DLG2: variants seen among roughly 807,000 people sequenced by gnomAD.
The protein encoded by DLG2 is discs large MAGUK scaffold protein 2, also known as disks large homolog 2.
DLG2 carries 45 observed loss-of-function variants against 132.5 expected under a neutral mutation model. The observed-to-expected ratio is 0.34, with a 90% CI of 0.27 to 0.44. The LOEUF (loss-of-function observed/expected upper bound fraction) is 0.44, where lower values mean the gene tolerates loss of function less well. DLG2 is among the 20% of genes least tolerant of loss of function. The pLI is 1.00. For synonymous variants in DLG2, 424 were observed against 419.6 expected (o/e 1.01, Z -0.13); for missense variants, 1,045 against 1,196.9 (o/e 0.87, Z 1.87).
At chr11:84,830,961 C>CA (rs1262079483) in intron 6 of DLG2, among the ~76,000 whole-genome samples, 4 of 108,268 alleles carry the variant, frequency 3.7e-5, no homozygotes, top group Non-Finnish European at 5.5e-5. Context: ...TCCCCCCACC[C>CA]CCCCCAGCTC....
At chr11:85,289,482 T>C (rs2078759731) in intron 3 of DLG2, among the ~76,000 whole-genome samples, 1 of 152,178 alleles carries the variant, frequency 6.6e-6, no homozygotes, top group Non-Finnish European at 1.5e-5. Flanking sequence ...AGAAATTATT[T>C]TTACTAAAAC....
intron 7 of DLG2, among the ~76,000 whole-genome samples, chr11:84,422,421 G>C (rs2098953960): frequency 6.6e-6 from 1 of 152,106 alleles, no homozygotes; most frequent in Admixed American, 6.5e-5. Flanking sequence ...CTATAGCAAT[G>C]GTGTCAATCC....
chr11:84,958,203 C>A (rs1044520882), intron 6 of DLG2, among the ~76,000 whole-genome samples: 1 of 152,088 alleles, frequency 6.6e-6, no homozygotes, highest in Non-Finnish European at 1.5e-5. Flanking sequence ...CTTACTGGCC[C>A]TTTATTCATA....
chr11:84,780,853 A>T (rs1280490838), intron 6 of DLG2, among the ~76,000 whole-genome samples: 2 of 152,040 alleles, frequency 1.3e-5, no homozygotes, highest in African/African-American at 4.8e-5. Flanking sequence ...ATTGTTTTGA[A>T]TTCAGCTTCC....
intron 8 of DLG2, among the ~76,000 whole-genome samples, chr11:84,174,377 T>C (rs73517729): frequency 3.0e-4 from 45 of 152,208 alleles, no homozygotes; most frequent in African/African-American, 7.7e-4. Flanking sequence ...AATAATTTTT[T>C]AATCCCCAGA....
intron 6 of DLG2, among the ~76,000 whole-genome samples, chr11:84,891,414 T>G (rs1161106855): frequency 1.3e-5 from 2 of 152,230 alleles, no homozygotes; most frequent in Admixed American, 1.3e-4. Flanking sequence ...TTATATGCTA[T>G]TAACTGACAT....
intron 18 of DLG2, among the ~76,000 whole-genome samples, chr11:83,764,049 A>G (rs2094032577): frequency 2.0e-5 from 3 of 152,236 alleles, no homozygotes; most frequent in African/African-American, 7.2e-5. Context: ...AGAGCCTCTG[A>G]AAACTGTTTG....
intron 6 of DLG2, among the ~76,000 whole-genome samples, chr11:84,608,430 A>T (rs2099589604): frequency 6.6e-6 from 1 of 152,180 alleles, no homozygotes; most frequent in South Asian, 2.1e-4. Context: ...TTATCTGCTG[A>T]AGCAGTGACT....
chr11:83,868,148 G>GT (rs1285086826), intron 16 of DLG2, among the ~76,000 whole-genome samples: 40 of 152,200 alleles, frequency 2.6e-4, no homozygotes, highest in Non-Finnish European at 5.4e-4. Context: ...GAATCCCCTC[G>GT]TTTTTAAACT....
rs981911283 is a variant in DLG2, at chr11:84,154,944, C to T, written c.624+8517G>A. ...CTAATTAAACTAAAGAGCTTCTGCACAGCAAAAGAAACTACCATCAGAGTG... is the reference window on the plus strand; with the variant it reads ...CTAATTAAACTAAAGAGCTTCTGCATAGCAAAAGAAACTACCATCAGAGTG... On this transcript the variant is annotated intron_variant, in intron 9 of 27. Coordinates refer to ENST00000376104, the MANE Select transcript of DLG2 (RefSeq NM_001142699.3). 7.9e-5 allele frequency among the ~76,000 whole-genome samples: 12 copies of T among 152,202 alleles called. No individual in the cohort carries two copies. In the East Asian group the frequency reaches 2.1e-3, roughly 27 times the overall value.
intron 5 of DLG2, among the ~76,000 whole-genome samples, chr11:85,134,073 A>C (rs565403476): frequency 1.3e-5 from 2 of 152,254 alleles, no homozygotes; most frequent in African/African-American, 4.8e-5. Context: ...AGTGAATGAC[A>C]GAATGGAAAG....
At chr11:85,024,010 A>G (rs981547736) in intron 6 of DLG2, among the ~76,000 whole-genome samples, 3 of 152,160 alleles carry the variant, frequency 2.0e-5, no homozygotes, top group Admixed American at 6.6e-5. Flanking sequence ...AGATAATCCG[A>G]GAATTTGTCA....
chr11:84,069,952 T>A (rs948440707), intron 10 of DLG2, among the ~76,000 whole-genome samples: 2 of 152,196 alleles, frequency 1.3e-5, no homozygotes, highest in African/African-American at 4.8e-5. Flanking sequence ...TTGTCAACTT[T>A]CAAGAGATGA....
intron 19 of DLG2, among the ~76,000 whole-genome samples, chr11:83,545,254 A>G (rs2096207808): frequency 6.6e-6 from 1 of 152,202 alleles, no homozygotes; most frequent in Non-Finnish European, 1.5e-5. Flanking sequence ...ATAAATCATA[A>G]CACCATCTAT....
At chr11:84,940,787 C>A (rs931538752) in intron 6 of DLG2, among the ~76,000 whole-genome samples, 1 of 152,108 alleles carries the variant, frequency 6.6e-6, no homozygotes, top group Non-Finnish European at 1.5e-5. Flanking sequence ...AGATATTACT[C>A]AAAAAATTAT....
intron 10 of DLG2, among the ~76,000 whole-genome samples, chr11:84,074,311 C>T (rs571503161): frequency 1.3e-5 from 2 of 152,002 alleles, no homozygotes; most frequent in Non-Finnish European, 2.9e-5. Context: ...AATCCATTAA[C>T]AAGATTTTTA....
intron 7 of DLG2, among the ~76,000 whole-genome samples, chr11:84,427,566 A>T (rs1293597165): frequency 2.0e-5 from 3 of 152,118 alleles, no homozygotes; most frequent in Non-Finnish European, 4.4e-5. Flanking sequence ...GGGGAAAAAA[A>T]TATATAGGAA....
chr11:83,487,147 C>T (rs1212827751), intron 21 of DLG2, among the ~76,000 whole-genome samples: 4 of 152,012 alleles, frequency 2.6e-5, no homozygotes, highest in Non-Finnish European at 5.9e-5. Context: ...TTCTTTGTCT[C>T]TCTAGTGACA....
At position 85,497,903 on chromosome 11, in the gene DLG2, C is replaced by T. The variant is rs117682927; in HGVS notation, c.40+100754G>A. Among the ~76,000 whole-genome samples, 836 of 152,330 alleles carry T rather than the reference C, an allele frequency of 5.5e-3. 3 individuals are homozygous for T. The highest frequency in any genetic ancestry group is 8.3e-3 in the Non-Finnish European group (566 of 68,034). On this transcript the variant is annotated intron_variant, in intron 3 of 27. Transcript: ENST00000376104. Reference sequence around the variant, plus strand: ...CTGAGAGATTTTGTCACCACCAGGTCTGCCTCACAGGAGCTCCTGAAGGAA... The same window carrying T: ...CTGAGAGATTTTGTCACCACCAGGTTTGCCTCACAGGAGCTCCTGAAGGAA...
Sources: allele counts gnomAD v4.1 joint callset (sites outside exome capture counted in the v4.1 genomes callset), GRCh38; gene constraint gnomAD v4.1.1; transcripts MANE v1.5; gene names NCBI Gene and HGNC (gene_info 2026-07-23, HGNC 2026-07-21).